Variants in RIMS2 observed in about 807,000 individuals in gnomAD.
RIMS2 encodes the protein regulating synaptic membrane exocytosis 2.
In RIMS2, 59 loss-of-function variants were observed where a neutral mutation model predicts 174.4. That is an observed-to-expected ratio of 0.34 (90% confidence interval 0.27 to 0.42). The LOEUF is 0.42. Among genes scored for constraint, RIMS2 ranks in the 10% least tolerant of loss-of-function variants. RIMS2 has a pLI of 1.00. For missense variants in RIMS2, 1,620 were observed against 1,666.3 expected, an observed-to-expected ratio of 0.97 and a Z score of 0.48; for synonymous variants, 606 against 572.5, an observed-to-expected ratio of 1.06 and a Z score of -0.84.
At chr8:103,761,215 T>G (rs2098109787) in intron 2 of RIMS2, among the ~76,000 whole-genome samples, 1 of 152,240 alleles carries the variant, frequency 6.6e-6, no homozygotes, top group Non-Finnish European at 1.5e-5. Context: ...TTTGTTTTCA[T>G]GAGTTAGTGA....
At chr8:103,574,225 TATCA>T (rs2093045142) in intron 1 of RIMS2, among the ~76,000 whole-genome samples, 1 of 152,276 alleles carries the variant, frequency 6.6e-6, no homozygotes, top group East Asian at 1.9e-4. Flanking sequence ...AAAAACTGGA[TATCA>T]TATTTGCCCT....
chr8:103,977,263 G>A (rs2093528505), intron 16 of RIMS2: 1 of 152,142 alleles, frequency 6.6e-6, no homozygotes, highest in Admixed American at 6.5e-5. Flanking sequence ...GGTTTAAAGT[G>A]TTTGAAGATG....
intron 3 of RIMS2, among the ~76,000 whole-genome samples, chr8:103,770,974 T>C (rs2098246562): frequency 6.6e-6 from 1 of 152,226 alleles, no homozygotes; most frequent in Non-Finnish European, 1.5e-5. Flanking sequence ...CTCTATGGAC[T>C]TATAACTATA....
At chr8:103,576,352 T>C (rs987358459) in intron 1 of RIMS2, among the ~76,000 whole-genome samples, 1 of 151,836 alleles carries the variant, frequency 6.6e-6, no homozygotes, top group Non-Finnish European at 1.5e-5. Flanking sequence ...AGCAAACATA[T>C]CCAATAAAAA....
chr8:103,628,876 T>C (rs1279989272), intron 1 of RIMS2, among the ~76,000 whole-genome samples: 1 of 151,758 alleles, frequency 6.6e-6, no homozygotes, highest in Non-Finnish European at 1.5e-5. Context: ...GAAAATAGCA[T>C]GAAAAGAGAT....
chr8:103,841,264 T>C (rs1233878911), intron 3 of RIMS2, among the ~76,000 whole-genome samples: 1 of 152,224 alleles, frequency 6.6e-6, no homozygotes, highest in Non-Finnish European at 1.5e-5. Flanking sequence ...CCAGAAATAA[T>C]AAATGCCAAG....
intron 5 of RIMS2, chr8:103,910,432 A>G (rs2075444610): frequency 2.5e-6 from 4 of 1,597,360 alleles, no homozygotes; most frequent in Non-Finnish European, 2.5e-6. Flanking sequence ...CACTCTTTGG[A>G]AGAGGATTTG....
chr8:104,223,590 G>T, intron 19 of RIMS2: 1 of 1,497,542 alleles, frequency 6.7e-7, no homozygotes, highest in Non-Finnish European at 8.9e-7. Context: ...TGCGGACGCT[G>T]CGCCCCAGCC....
intron 2 of RIMS2, among the ~76,000 whole-genome samples, chr8:103,739,020 C>T (rs867148795): frequency 2.0e-5 from 3 of 152,160 alleles, no homozygotes; most frequent in African/African-American, 4.8e-5. Flanking sequence ...GTAGCCATCC[C>T]ATTACTGGGT....
At chr8:103,731,484 A>G (rs763267754) in intron 2 of RIMS2, among the ~76,000 whole-genome samples, 3 of 152,086 alleles carry the variant, frequency 2.0e-5, no homozygotes, top group Non-Finnish European at 4.4e-5. Flanking sequence ...TAATATTGAT[A>G]TCTTTCTGTA....
At chr8:103,578,784 C>G (rs1362159458) in intron 1 of RIMS2, among the ~76,000 whole-genome samples, 1 of 151,862 alleles carries the variant, frequency 6.6e-6, no homozygotes, top group Non-Finnish European at 1.5e-5. Context: ...GGCTTATCAC[C>G]TGAGGTCAGG....
intron 19 of RIMS2, among the ~76,000 whole-genome samples, chr8:104,135,843 C>T (rs1370931809): frequency 4.6e-5 from 7 of 151,868 alleles, no homozygotes; most frequent in Non-Finnish European, 1.5e-5. Flanking sequence ...AAGTGGAGGG[C>T]TCAAGGTTCT....
At chr8:103,552,888 A>G (rs546273516) in intron 1 of RIMS2, among the ~76,000 whole-genome samples, 1 of 152,302 alleles carries the variant, frequency 6.6e-6, no homozygotes, top group East Asian at 1.9e-4. Context: ...AATCAAAACC[A>G]CAATGAGATA....
chr8:103,769,438 C>A (rs1347605732), intron 3 of RIMS2, among the ~76,000 whole-genome samples: 2 of 152,162 alleles, frequency 1.3e-5, no homozygotes, highest in Non-Finnish European at 2.9e-5. Flanking sequence ...ATTCTCCTGC[C>A]TCAGCCTCCC....
At chr8:103,586,719 A>C (rs1473741556) in intron 1 of RIMS2, among the ~76,000 whole-genome samples, 1 of 152,120 alleles carries the variant, frequency 6.6e-6, no homozygotes. Flanking sequence ...CAAAATTTGT[A>C]GAAGAAAAGA....
intron 1 of RIMS2, among the ~76,000 whole-genome samples, chr8:103,670,154 G>A (rs920026466): frequency 6.6e-6 from 1 of 152,216 alleles, no homozygotes; most frequent in African/African-American, 2.4e-5. Flanking sequence ...CAAGGCTTTG[G>A]GCTTGCACCC....
chr8:103,822,578 A>G (rs181423734), intron 3 of RIMS2, among the ~76,000 whole-genome samples: 11 of 151,984 alleles, frequency 7.2e-5, no homozygotes, highest in Non-Finnish European at 1.3e-4. Flanking sequence ...CCTTATTTTC[A>G]TACTGAAAGT....
Position 104,215,541 on chromosome 8 carries a change from T to G in RIMS2, c.3335-29375T>G, listed in dbSNP as rs995491988. 3.3e-5 allele frequency among the ~76,000 whole-genome samples: 5 copies of G among 152,364 alleles called. No homozygotes were observed. The South Asian group carries it at 8.3e-4, about 25-fold the overall frequency. On this transcript the variant is annotated intron_variant, in intron 19 of 23. Transcript: ENST00000504942. Reference sequence around the variant, plus strand: ...TAAAGTTTTTAGATCTTGCCATATATTTGTGTAGAATGTTTACACTCACAA... The same window carrying G: ...TAAAGTTTTTAGATCTTGCCATATAGTTGTGTAGAATGTTTACACTCACAA...
chr8:103,787,230 G>T (rs1425606184), intron 3 of RIMS2, among the ~76,000 whole-genome samples: 13 of 150,464 alleles, frequency 8.6e-5, no homozygotes, highest in Non-Finnish European at 1.8e-4. Flanking sequence ...TATCCAATTT[G>T]CCAGTCTGTG....
Sources: allele counts gnomAD v4.1 joint callset (sites outside exome capture counted in the v4.1 genomes callset), GRCh38; gene constraint gnomAD v4.1.1; transcripts MANE v1.5; gene names NCBI Gene and HGNC (gene_info 2026-07-23, HGNC 2026-07-21).